Variants in UNC5C observed in about 807,000 individuals in gnomAD.
UNC5C encodes the protein unc-5 netrin receptor C.
A neutral mutation model predicts 99.8 loss-of-function variants in UNC5C; 47 were observed. The observed-to-expected ratio is 0.47, with a 90% confidence interval of 0.37 to 0.60. UNC5C has a LOEUF of 0.60. UNC5C is among the 20% of genes least tolerant of loss of function. UNC5C has a pLI of 0.00. For synonymous variants in UNC5C, 487 were observed against 452.2 expected (o/e 1.08, Z -0.98); for missense variants, 1,062 against 1,165.9 (o/e 0.91, Z 1.30).
At chr4:95,379,864 T>C (rs530458993) in intron 1 of UNC5C, among the ~76,000 whole-genome samples, 1 of 152,274 alleles carries the variant, frequency 6.6e-6, no homozygotes, top group Admixed American at 6.5e-5. Context: ...TGCCTCAGGC[T>C]TTCGTTAGTT....
intron 5 of UNC5C, chr4:95,248,650 G>A (rs1000438045): frequency 1.6e-5 from 7 of 442,838 alleles, no homozygotes; most frequent in African/African-American, 1.2e-4. Flanking sequence ...ATGCCAAGTG[G>A]CATATTTTGG....
intron 1 of UNC5C, among the ~76,000 whole-genome samples, chr4:95,384,555 G>A (rs1183288839): frequency 6.6e-6 from 1 of 152,154 alleles, no homozygotes; most frequent in Non-Finnish European, 1.5e-5. Context: ...AGTCAACACT[G>A]CATGAGTGTA....
chr4:95,548,826 C>T lies in UNC5C; in HGVS notation c.32G>A (p.Arg11His), dbSNP rs1365890144. MRKGLRATAA[R>H]CGLGLGYLLQ... ...CAAGTATCCCAGTCCCAGTCCGCAG[C>T]GGGCCGCTGTCGCCCGCAGACCTTT... is the stretch of plus-strand genomic sequence containing the variant. The change falls in exon 1 of 16, where the codon CGC (arginine) becomes CAC (histidine). Residue 11 changes from arginine to histidine, a missense_variant. Coordinates refer to ENST00000453304, the MANE Select transcript of UNC5C (RefSeq NM_003728.4). 6.2e-7 allele frequency: 1 copy of T among 1,613,140 alleles called. No homozygotes were observed. The highest frequency in any genetic ancestry group is 8.5e-7 in the Non-Finnish European group (1 of 1,179,910).
intron 1 of UNC5C, among the ~76,000 whole-genome samples, chr4:95,338,444 T>C (rs1325741143): frequency 6.6e-6 from 1 of 152,100 alleles, no homozygotes; most frequent in Non-Finnish European, 1.5e-5. Context: ...TATAGCTACA[T>C]GTATTTAAAG....
chr4:95,171,556 A>T (rs1736110404), intron 14 of UNC5C, among the ~76,000 whole-genome samples: 1 of 152,114 alleles, frequency 6.6e-6, no homozygotes, highest in African/African-American at 2.4e-5. Context: ...TGTCCCTACA[A>T]AGGACATGAA....
At chr4:95,454,094 C>T (rs1747363664) in intron 1 of UNC5C, among the ~76,000 whole-genome samples, 1 of 151,916 alleles carries the variant, frequency 6.6e-6, no homozygotes, top group Non-Finnish European at 1.5e-5. Flanking sequence ...GGTAGTTGCA[C>T]AATATTGTGA....
intron 1 of UNC5C, among the ~76,000 whole-genome samples, chr4:95,505,880 T>G (rs1721905444): frequency 6.6e-6 from 1 of 152,022 alleles, no homozygotes; most frequent in Admixed American, 6.6e-5. Flanking sequence ...ATTTATCTTG[T>G]CTTTGAGGAA....
At chr4:95,257,611 T>C (rs1268369707) in intron 4 of UNC5C, among the ~76,000 whole-genome samples, 1 of 152,116 alleles carries the variant, frequency 6.6e-6, no homozygotes, top group Non-Finnish European at 1.5e-5. Context: ...AGAAAGTAAT[T>C]GAGGGTAGAA....
chr4:95,212,428 A>G (rs1054181649), intron 10 of UNC5C, among the ~76,000 whole-genome samples: 3 of 152,130 alleles, frequency 2.0e-5, no homozygotes, highest in Admixed American at 6.5e-5. Context: ...AAACCTTCGT[A>G]CTTTCATTAG....
rs151181312 is a variant in UNC5C at position 95,302,552 on chromosome 4, A to AG, written c.347-804dup. Among the ~76,000 whole-genome samples, 814 of 152,276 alleles carry AG rather than the reference A, an allele frequency of 5.3e-3. 6 individuals are homozygous for AG. The highest frequency in any genetic ancestry group is 0.019 in the African/African-American group (781 of 41,566). ...AATGTGCCTCTTTGCCCTGAGCAAGAGGGGTTATCTGAACAACATATGTGG... is the reference window on the plus strand; with the variant it reads ...AATGTGCCTCTTTGCCCTGAGCAAGAGGGGGTTATCTGAACAACATATGTGG... On this transcript the variant is annotated intron_variant, in intron 2 of 15. Coordinates refer to ENST00000453304, the MANE Select transcript of UNC5C (RefSeq NM_003728.4).
At chr4:95,509,153 C>T (rs1443810209) in intron 1 of UNC5C, among the ~76,000 whole-genome samples, 1 of 151,742 alleles carries the variant, frequency 6.6e-6, no homozygotes, top group African/African-American at 2.4e-5. Context: ...TAAGTTTATT[C>T]TCGATTATTA....
chr4:95,514,014 A>C (rs1722147536), intron 1 of UNC5C, among the ~76,000 whole-genome samples: 1 of 152,206 alleles, frequency 6.6e-6, no homozygotes, highest in Admixed American at 6.5e-5. Context: ...CTTCAGAATC[A>C]ATATCAAATT....
At chr4:95,455,338 C>T (rs1747397929) in intron 1 of UNC5C, among the ~76,000 whole-genome samples, 1 of 152,076 alleles carries the variant, frequency 6.6e-6, no homozygotes, top group Non-Finnish European at 1.5e-5. Context: ...ACCTCGATTG[C>T]ATTTGGTGTC....
At chr4:95,311,060 G>A (rs1579315339) in intron 2 of UNC5C, among the ~76,000 whole-genome samples, 1 of 152,248 alleles carries the variant, frequency 6.6e-6, no homozygotes, top group South Asian at 2.1e-4. Context: ...GTCCATATCT[G>A]AGGGATAACT....
chr4:95,431,602 G>A lies in UNC5C; in HGVS notation c.125-95971C>T, dbSNP rs181997829. On this transcript the variant is annotated intron_variant, in intron 1 of 15. Coordinates refer to ENST00000453304, the MANE Select transcript of UNC5C (RefSeq NM_003728.4). ...TACATGGGAGTAGAACCGTCGACAT[G>A]TCTGAAGGTCACAACTCTCTAGGTG... 1.8e-3 allele frequency among the ~76,000 whole-genome samples: 280 copies of A among 152,134 alleles called. 2 individuals carry two copies. The highest frequency in any genetic ancestry group is 6.2e-3 in the African/African-American group (258 of 41,540).
chr4:95,308,780 A>T (rs1294696969), intron 2 of UNC5C, among the ~76,000 whole-genome samples: 2 of 149,948 alleles, frequency 1.3e-5, no homozygotes, highest in East Asian at 2.0e-4. Flanking sequence ...AAAAAAAAAA[A>T]AAAGAACAAG....
At chr4:95,509,946 T>G (rs1201061894) in intron 1 of UNC5C, among the ~76,000 whole-genome samples, 1 of 151,946 alleles carries the variant, frequency 6.6e-6, no homozygotes, top group African/African-American at 2.4e-5. Flanking sequence ...TATTGTTAGA[T>G]AGATTCTGTT....
chr4:95,424,774 T>C (rs1214336332), intron 1 of UNC5C, among the ~76,000 whole-genome samples: 2 of 151,794 alleles, frequency 1.3e-5, no homozygotes, highest in South Asian at 2.1e-4. Context: ...CCGCCCTCCT[T>C]GGCCTCCCAA....
At chr4:95,482,826 A>G (rs1292977803) in intron 1 of UNC5C, among the ~76,000 whole-genome samples, 2 of 118,360 alleles carry the variant, frequency 1.7e-5, no homozygotes, top group Admixed American at 1.8e-4. Flanking sequence ...ACATGGACAC[A>G]GGAAGGGGAA....
Sources: gnomAD v4.1 joint callset for allele counts (sites outside exome capture counted in the v4.1 genomes callset) on GRCh38, gnomAD v4.1.1 for gene constraint, MANE v1.5 for transcripts, NCBI Gene and HGNC (gene_info 2026-07-23, HGNC 2026-07-21) for gene names.